Variants in LDB2 observed in about 807,000 individuals in gnomAD.
LDB2 encodes LIM domain-binding protein 2.
Under a neutral mutation model 44.3 loss-of-function variants are expected in LDB2, and 12 were observed. The ratio of observed to expected loss-of-function variants is 0.27; its 90% CI spans 0.17 to 0.44. LDB2 has a LOEUF of 0.44. Ranked by LOEUF, LDB2 falls within the 20% of genes least tolerant of loss-of-function variation. The pLI, the probability that LDB2 is intolerant of heterozygous loss-of-function variation, is 1.00. For missense variants in LDB2, 344 were observed against 473.5 expected (o/e 0.73, Z 2.54); for synonymous variants, 164 against 174.8 (o/e 0.94, Z 0.49).
At chr4:16,561,331 C>A (rs1240279436) in intron 5 of LDB2, among the ~76,000 whole-genome samples, 6 of 152,186 alleles carry the variant, frequency 3.9e-5, no homozygotes, top group African/African-American at 1.2e-4. Flanking sequence ...ATCGTCTCAG[C>A]TGAAAATCTC....
At chr4:16,803,449 G>T (rs1286461770) in intron 1 of LDB2, among the ~76,000 whole-genome samples, 1 of 152,088 alleles carries the variant, frequency 6.6e-6, no homozygotes, top group South Asian at 2.1e-4. Flanking sequence ...AAGAAAAATG[G>T]TCCAGAGTTC....
chr4:16,561,094 A>C (rs1361096754), intron 5 of LDB2, among the ~76,000 whole-genome samples: 1 of 152,136 alleles, frequency 6.6e-6, no homozygotes, highest in Admixed American at 6.5e-5. Flanking sequence ...ATCTATGACA[A>C]ACCCACAGCC....
intron 1 of LDB2, among the ~76,000 whole-genome samples, chr4:16,882,428 A>G (rs16894154): frequency 0.032 from 4,807 of 152,116 alleles, 235 homozygotes; most frequent in African/African-American, 0.1. Flanking sequence ...CCCTGCCTCC[A>G]TAAAAAAAAG....
chr4:16,870,074 A>C (rs1330473721), intron 1 of LDB2, among the ~76,000 whole-genome samples: 1 of 152,202 alleles, frequency 6.6e-6, no homozygotes, highest in Non-Finnish European at 1.5e-5. Context: ...TATTGGAAGA[A>C]GCAGCCATTG....
chr4:16,773,491 G>A (rs1017477236), intron 1 of LDB2, among the ~76,000 whole-genome samples: 10 of 152,106 alleles, frequency 6.6e-5, no homozygotes, highest in Admixed American at 2.6e-4. Flanking sequence ...CATGAGAAGC[G>A]TGCAACCTCG....
intron 1 of LDB2, among the ~76,000 whole-genome samples, chr4:16,815,833 A>G (rs1450464880): frequency 6.6e-6 from 1 of 152,228 alleles, no homozygotes; most frequent in East Asian, 1.9e-4. Context: ...GAACAGTGAC[A>G]TGTGGTCTTT....
chr4:16,737,499 T>C (rs1025225822), intron 2 of LDB2, among the ~76,000 whole-genome samples: 10 of 152,312 alleles, frequency 6.6e-5, no homozygotes, highest in South Asian at 4.1e-4. Flanking sequence ...TGACAGGATG[T>C]TCATTAAGGC....
rs747097456 is a variant in LDB2, at chr4:16,655,896, C to CTTTTTTT, written c.236-60028_236-60022dup. ...AAACGTTGGTTGTTCTGCAAGAAAA[C>CTTTTTTT]TTTTTTTTTTTTTTTTTTTTTGAGA... On this transcript the variant is annotated intron_variant, in intron 2 of 7. Transcript: ENST00000304523. 6.3e-3 allele frequency among the ~76,000 whole-genome samples: 588 copies of CTTTTTTT among 93,294 alleles called. 81 individuals carry two copies. Among genetic ancestry groups the CTTTTTTT allele is most frequent in the Middle Eastern group, 0.011 (1 of 94 alleles). The allele number at this position is 93,294 out of a possible 152,430, so 61.2% of individuals were successfully genotyped here.
intron 1 of LDB2, among the ~76,000 whole-genome samples, chr4:16,797,170 C>T (rs528421578): frequency 1.3e-5 from 2 of 152,122 alleles, no homozygotes; most frequent in Non-Finnish European, 2.9e-5. Flanking sequence ...ACCACATAGA[C>T]GAAAAGGTCA....
Position 16,502,486 on chromosome 4 carries a change from A to G in LDB2, c.*157T>C. 1 of 1,127,426 alleles carries G rather than the reference A, an allele frequency of 8.9e-7. No homozygotes were observed. Among genetic ancestry groups the G allele is most frequent in the Non-Finnish European group, 1.3e-6 (1 of 789,270 alleles). 69.8% of individuals were successfully genotyped at this position (1,127,426 alleles called of 1,614,324 possible). A position where few individuals can be genotyped will look rare whatever the true frequency, so the allele number is the denominator to read the frequency against. On this transcript the variant is annotated 3_prime_UTR_variant, in exon 8 of 8. Coordinates refer to ENST00000304523, the MANE Select transcript of LDB2 (RefSeq NM_001290.5). The stretch of plus-strand genomic sequence containing the variant: ...GGGAATAATCCTCTCAATTAGAAAA[A>G]AAGAAAGAAGAAAGAAAATCAGATC...
intron 1 of LDB2, among the ~76,000 whole-genome samples, chr4:16,765,070 T>C (rs1039850387): frequency 3.3e-5 from 5 of 152,174 alleles, no homozygotes; most frequent in Non-Finnish European, 5.9e-5. Flanking sequence ...TCCAAGTAAA[T>C]GGTATAGCAC....
chr4:16,517,350 TA>T (rs34104527), intron 5 of LDB2, among the ~76,000 whole-genome samples: 100,348 of 151,808 alleles, frequency 0.66, 33,288 homozygotes, highest in Middle Eastern at 0.76. Context: ...CACATACACA[TA>T]AAAAAAACAC....
chr4:16,634,340 C>T (rs1732941046), intron 2 of LDB2, among the ~76,000 whole-genome samples: 3 of 146,888 alleles, frequency 2.0e-5, no homozygotes, highest in Admixed American at 6.8e-5. Context: ...GAACAGGCAA[C>T]CTGCAGAATG....
intron 1 of LDB2, among the ~76,000 whole-genome samples, chr4:16,873,391 C>T (rs2110360900): frequency 6.6e-6 from 1 of 152,238 alleles, no homozygotes; most frequent in African/African-American, 2.4e-5. Context: ...ACTGAAAGTG[C>T]TGGAGCACAG....
intron 1 of LDB2, among the ~76,000 whole-genome samples, chr4:16,803,475 A>G (rs553038690): frequency 1.3e-4 from 20 of 152,208 alleles, no homozygotes; most frequent in Non-Finnish European, 2.5e-4. Flanking sequence ...ATAAAGGAAG[A>G]CTTGACCACA....
At chr4:16,631,902 T>C (rs926132844) in intron 2 of LDB2, among the ~76,000 whole-genome samples, 1 of 152,210 alleles carries the variant, frequency 6.6e-6, no homozygotes, top group Non-Finnish European at 1.5e-5. Context: ...GTTGAATCTC[T>C]GAATAGACCA....
chr4:16,639,919 T>G (rs1252846783), intron 2 of LDB2, among the ~76,000 whole-genome samples: 2 of 152,252 alleles, frequency 1.3e-5, no homozygotes, highest in African/African-American at 4.8e-5. Context: ...GCAAAACACC[T>G]GCAGGAGATA....
At chr4:16,699,324 A>G (rs1222008340) in intron 2 of LDB2, among the ~76,000 whole-genome samples, 2 of 152,236 alleles carry the variant, frequency 1.3e-5, no homozygotes, top group Non-Finnish European at 2.9e-5. Context: ...AACCAACGCT[A>G]TGTGATAAGG....
At chr4:16,847,008 T>C (rs1374907289) in intron 1 of LDB2, among the ~76,000 whole-genome samples, 1 of 152,188 alleles carries the variant, frequency 6.6e-6, no homozygotes, top group African/African-American at 2.4e-5. Flanking sequence ...TCTATTTTAA[T>C]TTCTCTCCTT....
Sources: allele counts gnomAD v4.1 joint callset (sites outside exome capture counted in the v4.1 genomes callset), GRCh38; gene constraint gnomAD v4.1.1; transcripts MANE v1.5; gene names NCBI Gene and HGNC (gene_info 2026-07-23, HGNC 2026-07-21).